CHEK2: variants seen among roughly 807,000 people sequenced by gnomAD.
CHEK2 encodes checkpoint kinase 2.
In CHEK2, 71 loss-of-function variants were observed where a neutral mutation model predicts 69.1. The observed-to-expected ratio is 1.03, with a 90% CI of 0.85 to 1.25. The LOEUF (loss-of-function observed/expected upper bound fraction) is 1.25, where lower values mean the gene tolerates loss of function less well. Among genes scored for constraint, CHEK2 ranks in the 50% most tolerant of loss-of-function variants. The pLI is 0.00. For missense variants in CHEK2, 664 were observed against 649.6 expected (o/e 1.02, Z -0.24); for synonymous variants, 189 against 226.9 (o/e 0.83, Z 1.50).
At chr22:28,695,292 G>A (rs375832920) in intron 11 of CHEK2, 50 bp from the exon 12 acceptor site, 2 of 978,378 alleles carry the variant, frequency 2.0e-6, no homozygotes, top group Non-Finnish European at 1.7e-6. Flanking sequence ...GGCATTCTCA[G>A]TGGCATTCAG....
chr22:28,727,772 A>G (rs945132341), intron 2 of CHEK2, among the ~76,000 whole-genome samples: 1 of 152,234 alleles, frequency 6.6e-6, no homozygotes, highest in South Asian at 2.1e-4. Flanking sequence ...CTAACCCAAT[A>G]TAAGAAAATT....
rs2145804298 is a variant in CHEK2 at position 28,695,796 on chromosome 22, C to T, written c.1173G>A (p.Leu391=). ...CAACAGAAACAAGAACTTCAGGCGC[C>T]AAGTAGGTGGGGGTTCCACATAAGG... ...MRTLCGTPTY[L]APEVLVSVGT... Residue 391 remains leucine, a synonymous_variant, in exon 11 of 15, where the codon TTG becomes TTA. Transcript: ENST00000404276. 1 of 1,613,892 alleles carries T rather than the reference C, an allele frequency of 6.2e-7. No individual in the cohort carries two copies. The highest frequency in any genetic ancestry group is 1.1e-5 in the South Asian group (1 of 91,068).
At chr22:28,719,264 AT>A (rs772899022) in intron 5 of CHEK2, 130 bp downstream of exon 5, 14 of 503,370 alleles carry the variant, frequency 2.8e-5, no homozygotes, top group Non-Finnish European at 5.0e-5. Flanking sequence ...AAAATAAAAA[AT>A]AATACACAAA....
intron 8 of CHEK2, among the ~76,000 whole-genome samples, chr22:28,702,558 A>ATT (rs2052926251): frequency 1.5e-5 from 1 of 67,648 alleles, no homozygotes; most frequent in Non-Finnish European, 3.0e-5. Flanking sequence ...TTTTTTTTTA[A>ATT]TTTTTTGATA....
intron 1 of CHEK2, among the ~76,000 whole-genome samples, chr22:28,736,557 G>A (rs1337627957): frequency 6.6e-6 from 1 of 152,224 alleles, no homozygotes; most frequent in African/African-American, 2.4e-5. Context: ...CGGCCTTGAT[G>A]TAATCTTGCA....
intron 7 of CHEK2, among the ~76,000 whole-genome samples, chr22:28,708,363 A>ATGTGTTTGTGTGTGTG (rs371287570): frequency 1.1e-4 from 16 of 139,668 alleles, no homozygotes; most frequent in Non-Finnish European, 2.0e-4. Flanking sequence ...CTCTAAAAAT[A>ATGTGTTTGTGTGTGTG]TGTGTGTGTG....
In CHEK2 at chr22:28,696,920, T is replaced by C. The variant is rs760449049; in HGVS notation, c.1076A>G (p.Glu359Gly). The C allele has an allele frequency of 3.1e-6, 5 of 1,611,390 alleles. No individual in the cohort carries two copies. The highest frequency in any genetic ancestry group is 1.6e-4 in the Middle Eastern group (1 of 6,062). ...TCTTACCTTTATAAGACAGTCCTCT[T>C]CTTGAGATGACAGTAAAACATTCTC... is the stretch of plus-strand genomic sequence containing the variant. ...KPENVLLSSQ[E>G]EDCLIKITDF... Residue 359 changes from glutamate (E) to glycine (G), a missense_variant, in exon 10 of 15, where the codon GAA becomes GGA. Physicochemically the swap from Glu to Gly is moderately conservative, Grantham distance 98. Transcript: ENST00000404276.
chr22:28,735,738 C>T (rs958212336), intron 1 of CHEK2, among the ~76,000 whole-genome samples: 2 of 151,734 alleles, frequency 1.3e-5, no homozygotes, highest in East Asian at 3.9e-4. Flanking sequence ...AAAAATTAGC[C>T]GGGTGTGGTG....
rs121908703 is a variant in CHEK2 at position 28,696,929 on chromosome 22, G to A, written c.1067C>T (p.Ser356Leu). The change falls in exon 10 of 15, where the codon TCA (serine) becomes TTA (leucine). Residue 356 changes from serine to leucine, a missense_variant. Ser to Leu is a moderately radical substitution (Grantham distance 145). Transcript: ENST00000404276. The stretch of plus-strand genomic sequence containing the variant: ...TATAAGACAGTCCTCTTCTTGAGAT[G>A]ACAGTAAAACATTCTCTGGCTTTAA... ...RDLKPENVLLSSQEEDCLIKI... is the reference protein window; with the variant it reads ...RDLKPENVLLLSQEEDCLIKI... The A allele has an allele frequency of 4.3e-6, 7 of 1,612,796 alleles. No individual in the cohort carries two copies. The highest frequency in any genetic ancestry group is 1.6e-4 in the Middle Eastern group (1 of 6,084).
chr22:28,733,913 C>T (rs147279921), intron 2 of CHEK2, among the ~76,000 whole-genome samples: 10 of 147,174 alleles, frequency 6.8e-5, no homozygotes, highest in African/African-American at 2.5e-4. Context: ...CAGAGCAAGA[C>T]TCCGTTGCCA....
At chr22:28,699,490 G>A (rs1397082712) in intron 9 of CHEK2, among the ~76,000 whole-genome samples, 2 of 146,392 alleles carry the variant, frequency 1.4e-5, no homozygotes, top group East Asian at 2.1e-4. Flanking sequence ...TCAGCCTCCC[G>A]AGTAGCTGGG....
Position 28,693,858 on chromosome 22 carries a change from C to CA in CHEK2, c.1461+173dup, listed in dbSNP as rs556335113. On this transcript the variant is annotated intron_variant, in intron 13 of 14. Transcript: ENST00000404276. Reference sequence around the variant, plus strand: ...AGGGTGACAGAACAAGAACCTGTCTCAAAAAAAAAAATAAAACAGGTTGTA... The same window carrying CA: ...AGGGTGACAGAACAAGAACCTGTCTCAAAAAAAAAAAATAAAACAGGTTGTA... Among the ~76,000 whole-genome samples, 1,064 of 145,162 alleles carry CA rather than the reference C, an allele frequency of 7.3e-3. 10 individuals carry two copies. The highest frequency in any genetic ancestry group is 0.025 in the African/African-American group (990 of 39,686).
intron 8 of CHEK2, among the ~76,000 whole-genome samples, chr22:28,702,123 G>GTGTGTGTGTC (rs2052882560): frequency 8.8e-6 from 1 of 113,592 alleles, no homozygotes; most frequent in Admixed American, 1.1e-4. Context: ...GGCTAATTTT[G>GTGTGTGTGTC]TGTGTGTGTG....
chr22:28,724,141 C>T (rs2053902130), intron 4 of CHEK2, among the ~76,000 whole-genome samples: 1 of 152,182 alleles, frequency 6.6e-6, no homozygotes. Flanking sequence ...CAGGCGGGGG[C>T]TCACGCCTGT....
rs1345979642 is a variant in CHEK2, at chr22:28,703,530, C to G, written c.883G>C (p.Glu295Gln). 1.3e-6 allele frequency: 2 copies of G among 1,546,974 alleles called. No homozygotes were observed. The highest frequency in any genetic ancestry group is 1.8e-6 in the Non-Finnish European group (2 of 1,126,320). Residue 295 changes from glutamate to glutamine, a missense_variant, in exon 8 of 15, where the codon GAA (glutamate) becomes CAA (glutamine). Glu to Gln is a conservative substitution (Grantham distance 29). Coordinates refer to ENST00000404276, the MANE Select transcript of CHEK2 (RefSeq NM_007194.4). ...AATTCCAAAACAATATAATAATCTT[C>G]TGCATCAAAAAAGTTTTTAATCTTG... ...IIKIKNFFDAEDYYIVLELME... is the reference protein window; with the variant it reads ...IIKIKNFFDAQDYYIVLELME...
intron 2 of CHEK2, among the ~76,000 whole-genome samples, chr22:28,728,605 G>A (rs1393523722): frequency 1.6e-4 from 24 of 152,140 alleles, no homozygotes. Context: ...TGGAGGCTGA[G>A]GCACAAGAAT....
intron 2 of CHEK2, among the ~76,000 whole-genome samples, chr22:28,734,020 G>C (rs1049874542): frequency 6.6e-6 from 1 of 151,920 alleles, no homozygotes; most frequent in Non-Finnish European, 1.5e-5. Flanking sequence ...ATTTGCATAA[G>C]GCGTCAATCC....
At position 28,698,228 on chromosome 22, in the gene CHEK2, T is replaced by TAAAAAAAAAAAAAAAAAAAAAAAAAAA. The variant is rs398040472; in HGVS notation, c.1009-1242_1009-1241insTTTTTTTTTTTTTTTTTTTTTTTTTTT. On this transcript the variant is annotated intron_variant, in intron 9 of 14. Transcript: ENST00000404276. ...CAACATGGTGAAACCCTATCTTTAC[T>TAAAAAAAAAAAAAAAAAAAAAAAAAAA]AAAAAAAAAAAAAAAAAAATTAGCT... Among the ~76,000 whole-genome samples the TAAAAAAAAAAAAAAAAAAAAAAAAAAA allele has an allele frequency of 7.0e-4, 57 of 81,872 alleles. 6 individuals carry two copies. The highest frequency in any genetic ancestry group is 2.3e-3 in the East Asian group (5 of 2,196). 53.7% of individuals were successfully genotyped at this position (81,872 alleles called of 152,430 possible). A position where few individuals can be genotyped will look rare whatever the true frequency, so the allele number is the denominator to read the frequency against.
chr22:28,720,277 G>C (rs1027290028), intron 4 of CHEK2, among the ~76,000 whole-genome samples: 1 of 151,188 alleles, frequency 6.6e-6, no homozygotes, highest in South Asian at 2.1e-4. Flanking sequence ...TTTTAGTAGA[G>C]ACGGGATTTT....
Sources: allele counts gnomAD v4.1 joint callset (sites outside exome capture counted in the v4.1 genomes callset), GRCh38; gene constraint gnomAD v4.1.1; transcripts MANE v1.5; gene names NCBI Gene and HGNC (gene_info 2026-07-23, HGNC 2026-07-21).